Variants in RNF220 observed in about 807,000 individuals in gnomAD.
RNF220 encodes ring finger protein 220, also known as E3 ubiquitin-protein ligase RNF220.
In RNF220, 7 loss-of-function variants were observed where a neutral mutation model predicts 67.1. That is an observed-to-expected ratio of 0.10 (90% CI 0.06 to 0.20). The LOEUF (loss-of-function observed/expected upper bound fraction) is 0.20. Ranked by LOEUF, RNF220 falls within the 10% of genes least tolerant of loss-of-function variation. The probability of loss-of-function intolerance (pLI) is 1.00; values close to 1 mark genes in which losing one functional copy is unlikely to be tolerated. For synonymous variants in RNF220, 270 were observed against 283.2 expected, an observed-to-expected ratio of 0.95 and a Z score of 0.47; for missense variants, 565 against 740.3, an observed-to-expected ratio of 0.76 and a Z score of 2.75.
At chr1:44,445,179 T>C (rs1053244886) in intron 2 of RNF220, among the ~76,000 whole-genome samples, 2 of 152,208 alleles carry the variant, frequency 1.3e-5, no homozygotes, top group African/African-American at 2.4e-5. Flanking sequence ...GCCTGTTCAA[T>C]GTTTTGTTCA....
Position 44,636,097 on chromosome 1 carries a change from A to G in RNF220, c.1061A>G (p.Glu354Gly), listed in dbSNP as rs1553128137. 6.2e-7 allele frequency: 1 copy of G among 1,614,188 alleles called. No homozygotes were observed. Among genetic ancestry groups the G allele is most frequent in the South Asian group, 1.1e-5 (1 of 91,086 alleles). Residue 354 changes from glutamate to glycine, a missense_variant, in exon 8 of 15, where the codon GAG becomes GGG. Transcript: ENST00000361799. ...GAGCATGAGAACAACAACCGCTTTG[A>G]GGAGTATGAGTGGTGTGGACAGAAG... ...DIEHENNNRFEEYEWCGQKRI... is the reference protein window; with the variant it reads ...DIEHENNNRFGEYEWCGQKRI...
At chr1:44,505,203 A>AG (rs1658304141) in intron 2 of RNF220, among the ~76,000 whole-genome samples, 2 of 152,224 alleles carry the variant, frequency 1.3e-5, no homozygotes, top group Admixed American at 6.5e-5. Flanking sequence ...ACTTCAGAGC[A>AG]CGTGTTTGCT....
At chr1:44,546,179 G>A (rs1662125819) in intron 2 of RNF220, among the ~76,000 whole-genome samples, 1 of 152,110 alleles carries the variant, frequency 6.6e-6, no homozygotes, top group African/African-American at 2.4e-5. Context: ...CAGGACGTGG[G>A]AGGAGAAGCT....
At chr1:44,535,253 G>A (rs1390596523) in intron 2 of RNF220, among the ~76,000 whole-genome samples, 1 of 148,090 alleles carries the variant, frequency 6.8e-6, no homozygotes, top group African/African-American at 2.5e-5. Flanking sequence ...CGATTCTCCT[G>A]TCTCACCCTC....
intron 2 of RNF220, among the ~76,000 whole-genome samples, chr1:44,589,569 A>G (rs1000015757): frequency 6.8e-6 from 1 of 147,698 alleles, no homozygotes. Flanking sequence ...AGCTGAGATC[A>G]TGCCACTGCA....
At chr1:44,533,138 G>A (rs1196772263) in intron 2 of RNF220, among the ~76,000 whole-genome samples, 3 of 152,226 alleles carry the variant, frequency 2.0e-5, no homozygotes, top group African/African-American at 7.2e-5. Flanking sequence ...AGTCCTAAAG[G>A]GGAGAGTAAA....
At chr1:44,511,916 C>CGTGCGTGTGT (rs1553234667) in intron 2 of RNF220, among the ~76,000 whole-genome samples, 2 of 147,706 alleles carry the variant, frequency 1.4e-5, no homozygotes, top group African/African-American at 2.5e-5. Context: ...CGTGTGTGTG[C>CGTGCGTGTGT]GTGTGTGTGT....
At chr1:44,519,592 T>C (rs1269444019) in intron 2 of RNF220, among the ~76,000 whole-genome samples, 5 of 152,122 alleles carry the variant, frequency 3.3e-5, no homozygotes, top group Non-Finnish European at 1.5e-5. Context: ...AGAAAAGCAC[T>C]CAGAGAACTC....
intron 2 of RNF220, among the ~76,000 whole-genome samples, chr1:44,453,538 T>C (rs767349020): frequency 6.6e-6 from 1 of 152,072 alleles, no homozygotes; most frequent in Non-Finnish European, 1.5e-5. Context: ...ATATAACTTT[T>C]TGAAGGATCT....
intron 2 of RNF220, among the ~76,000 whole-genome samples, chr1:44,431,784 GTC>G (rs1485488399): frequency 6.6e-6 from 1 of 152,216 alleles, no homozygotes; most frequent in African/African-American, 2.4e-5. Flanking sequence ...CAGGATCAGA[GTC>G]TGGAGAGCAC....
In RNF220 at chr1:44,634,562, G is replaced by T. The variant is rs78230093; in HGVS notation, c.950-983G>T. On this transcript the variant is annotated intron_variant, in intron 6 of 14. Coordinates refer to ENST00000361799, the MANE Select transcript of RNF220 (RefSeq NM_018150.4). ...GCTTTGGGGAACCTTTCCCTCCTTT[G>T]CTGGCTCTCCCCACTCCCCATCAGT... Among the ~76,000 whole-genome samples, 248 of 152,216 alleles carry T rather than the reference G, an allele frequency of 1.6e-3. 1 individual carries two copies. The highest frequency in any genetic ancestry group is 5.7e-3 in the African/African-American group (236 of 41,526).
rs1644755931 is a variant in RNF220 at position 44,650,253 on chromosome 1, G to T, written c.1629+296G>T. 1.9e-6 allele frequency: 1 copy of T among 532,576 alleles called. No homozygotes were observed. Among genetic ancestry groups the T allele is most frequent in the South Asian group, 2.3e-5 (1 of 43,222 alleles). The allele number at this position is 532,576 out of a possible 1,614,324, so 33.0% of individuals were successfully genotyped here. A position where few individuals can be genotyped will look rare whatever the true frequency, so the allele number is the denominator to read the frequency against. On this transcript the variant is annotated intron_variant, in intron 14 of 14. Transcript: ENST00000361799. This position sits in a 1 kb window ranked among gnomAD's most constrained non-coding sequence, Gnocchi z 4.3. ...CTGGTGAGGCCTGGGGTCAGGAGGA[G>T]GCTGGCTGTAGGTAAACAGGACCAG...
At chr1:44,570,027 G>C (rs963745721) in intron 2 of RNF220, among the ~76,000 whole-genome samples, 1 of 152,172 alleles carries the variant, frequency 6.6e-6, no homozygotes, top group Non-Finnish European at 1.5e-5. Context: ...CAGAGAAGGC[G>C]CTGCCCCTAA....
intron 2 of RNF220, among the ~76,000 whole-genome samples, chr1:44,432,714 C>T (rs531587392): frequency 2.0e-5 from 3 of 152,112 alleles, no homozygotes; most frequent in Admixed American, 6.6e-5. Flanking sequence ...GTAGCTGGAA[C>T]GACAGGTGTG....
At chr1:44,637,248 CATT>C (rs949924998) in intron 8 of RNF220, among the ~76,000 whole-genome samples, 12 of 152,254 alleles carry the variant, frequency 7.9e-5, no homozygotes, top group Admixed American at 1.3e-4. Flanking sequence ...CCAGATGAGA[CATT>C]ATGCCTCTGG....
chr1:44,510,018 G>T (rs530227597), intron 2 of RNF220, among the ~76,000 whole-genome samples: 3 of 151,690 alleles, frequency 2.0e-5, no homozygotes, highest in Admixed American at 2.0e-4. Flanking sequence ...CGGGAGGATC[G>T]CTTGAGCCCA....
chr1:44,576,223 G>T (rs2148331055), intron 2 of RNF220, among the ~76,000 whole-genome samples: 1 of 152,312 alleles, frequency 6.6e-6, no homozygotes, highest in South Asian at 2.1e-4. Flanking sequence ...CAGTTTCTGG[G>T]GGATAGTGGT....
At chr1:44,514,628 A>G (rs1292882354) in intron 2 of RNF220, among the ~76,000 whole-genome samples, 1 of 152,202 alleles carries the variant, frequency 6.6e-6, no homozygotes, top group African/African-American at 2.4e-5. Context: ...CTTGGGATTT[A>G]GGTGTTCTCT....
At chr1:44,554,123 A>G (rs900605394) in intron 2 of RNF220, among the ~76,000 whole-genome samples, 2 of 152,152 alleles carry the variant, frequency 1.3e-5, no homozygotes, top group East Asian at 3.9e-4. Context: ...ACAGAACAGA[A>G]TGGAGAAGGG....
Sources: allele counts gnomAD v4.1 joint callset (sites outside exome capture counted in the v4.1 genomes callset), GRCh38; gene constraint gnomAD v4.1.1; non-coding constraint Gnocchi (gnomAD v3.1); transcripts MANE v1.5; gene names NCBI Gene and HGNC (gene_info 2026-07-23, HGNC 2026-07-21).